Variants in FCER1A observed in about 807,000 individuals in gnomAD.
The protein encoded by FCER1A is Fc epsilon receptor Ia, also known as high affinity immunoglobulin epsilon receptor subunit alpha.
FCER1A carries 24 observed loss-of-function variants against 23.6 expected under a neutral mutation model. That is an observed-to-expected ratio of 1.02 (90% confidence interval 0.74 to 1.43). FCER1A has a LOEUF of 1.43. Ranked by LOEUF, FCER1A falls within the 40% of genes most tolerant of loss-of-function variation. The pLI, the probability that FCER1A is intolerant of heterozygous loss-of-function variation, is 0.00. For missense variants in FCER1A, 318 were observed against 294.5 expected, an observed-to-expected ratio of 1.08 and a Z score of -0.58; for synonymous variants, 121 against 108.8, an observed-to-expected ratio of 1.11 and a Z score of -0.70.
chr1:159,302,325 A>C (rs747256756), upstream of FCER1A: 11 of 1,449,242 alleles, frequency 7.6e-6, no homozygotes, highest in South Asian at 1.1e-4. Flanking sequence ...GAAGCCTTAG[A>C]TCTCTCCAGC....
chr1:159,292,265 G>T (rs1441511367), intron 1 of FCER1A, among the ~76,000 whole-genome samples: 1 of 151,834 alleles, frequency 6.6e-6, no homozygotes, highest in Non-Finnish European at 1.5e-5. Context: ...TGCCTATTTA[G>T]CACAGACTCT....
At chr1:159,306,450 C>G (rs915668847) in intron 4 of FCER1A, among the ~76,000 whole-genome samples, 4 of 152,126 alleles carry the variant, frequency 2.6e-5, no homozygotes, top group African/African-American at 9.7e-5. Context: ...ATAGTAATAC[C>G]TGCTTGCACT....
upstream of FCER1A, among the ~76,000 whole-genome samples, chr1:159,285,248 A>G (rs1408502895): frequency 6.6e-6 from 1 of 152,210 alleles, no homozygotes; most frequent in Non-Finnish European, 1.5e-5. Context: ...AACATTACCA[A>G]ATATTGCCTG....
At position 159,302,932 on chromosome 1, in the gene FCER1A, C is replaced by T. The variant is rs1652480826; in HGVS notation, c.76+58C>T. ...CAACATGTCTGGGCATTGCTTTCCT[C>T]TCACTATTTTCTTCGTCCCATCACT... On this transcript the variant is annotated intron_variant, in intron 2 of 4. Coordinates refer to ENST00000693622, the MANE Select transcript of FCER1A (RefSeq NM_001387280.1). 6 of 1,516,030 alleles carry T rather than the reference C, an allele frequency of 4.0e-6. No homozygotes were observed. The Admixed American group carries it at 5.0e-5, about 13-fold the overall frequency. 93.9% of individuals were successfully genotyped at this position (1,516,030 alleles called of 1,614,324 possible).
chr1:159,302,473 C>T, intron 1 of FCER1A, 54 bp downstream of exon 1: 1 of 1,258,188 alleles, frequency 7.9e-7, no homozygotes. Context: ...ATTTGGGGAG[C>T]AGCTGGGGTA....
At chr1:159,296,589 TTG>T (rs1421630517) in intron 1 of FCER1A, among the ~76,000 whole-genome samples, 5 of 152,242 alleles carry the variant, frequency 3.3e-5, no homozygotes, top group African/African-American at 1.2e-4. Context: ...AAAGATGCTT[TTG>T]TGTTTTTCAC....
At position 159,302,390 on chromosome 1, in the gene FCER1A, C is replaced by T. The variant is rs1235926002; in HGVS notation, c.26C>T (p.Thr9Ile). The T allele has an allele frequency of 6.2e-7, 1 of 1,611,350 alleles. No homozygotes were observed. Among genetic ancestry groups the T allele is most frequent in the African/African-American group, 1.3e-5 (1 of 74,992 alleles). The change falls in exon 1 of 5, where the codon ACT becomes ATT. Residue 9 changes from threonine (T) to isoleucine (I), a missense_variant. Physicochemically the swap from Thr to Ile is moderately conservative, Grantham distance 89. Coordinates refer to ENST00000693622, the MANE Select transcript of FCER1A (RefSeq NM_001387280.1). MAPAMESP[T>I]LLCVALLFFA... ...ATGGCTCCTGCCATGGAATCCCCTA[C>T]TCTACTGTGTGTAGCCTTACTGTTC...
chr1:159,299,579 C>T (rs1652376789), upstream of FCER1A, among the ~76,000 whole-genome samples: 1 of 152,126 alleles, frequency 6.6e-6, no homozygotes, highest in Non-Finnish European at 1.5e-5. Context: ...AATAACAGGT[C>T]CAAGTTTGGG....
At chr1:159,302,800 C>G (rs1652474721) in intron 1 of FCER1A, 54 bp from the exon 2 acceptor site, 4 of 1,557,380 alleles carry the variant, frequency 2.6e-6, no homozygotes, top group Admixed American at 1.7e-5. Context: ...TTCTAGTCCT[C>G]TGGAGATAAA....
At chr1:159,293,061 T>C (rs1402648021) in intron 1 of FCER1A, among the ~76,000 whole-genome samples, 1 of 152,038 alleles carries the variant, frequency 6.6e-6, no homozygotes, top group South Asian at 2.1e-4. Context: ...TTATTTTCTT[T>C]ATAAATTTCA....
At chr1:159,297,320 T>C (rs1186146543) in intron 1 of FCER1A, among the ~76,000 whole-genome samples, 2 of 152,162 alleles carry the variant, frequency 1.3e-5, no homozygotes, top group African/African-American at 4.8e-5. Flanking sequence ...CCTGGCTGCA[T>C]CCTGTGAGAA....
At chr1:159,300,931 C>G (rs1652414553), upstream of FCER1A, among the ~76,000 whole-genome samples, 1 of 152,152 alleles carries the variant, frequency 6.6e-6, no homozygotes, top group African/African-American at 2.4e-5. Flanking sequence ...TTCAAAATAA[C>G]TTGCTGTTAC....
chr1:159,294,227 G>A (rs2427823), intron 1 of FCER1A, among the ~76,000 whole-genome samples: 2 of 151,842 alleles, frequency 1.3e-5, no homozygotes, highest in South Asian at 2.1e-4. Flanking sequence ...GGGTATATAC[G>A]CAAAGGACTA....
intron 1 of FCER1A, among the ~76,000 whole-genome samples, chr1:159,291,328 T>C (rs981111474): frequency 6.6e-6 from 1 of 152,218 alleles, no homozygotes; most frequent in Non-Finnish European, 1.5e-5. Context: ...TTTTATTTAT[T>C]ACAAATTTAA....
intron 4 of FCER1A, among the ~76,000 whole-genome samples, chr1:159,306,965 T>C (rs921250711): frequency 1.3e-5 from 2 of 152,248 alleles, no homozygotes; most frequent in African/African-American, 2.4e-5. Flanking sequence ...AATTTGAGAC[T>C]GAAGTGCTAT....
chr1:159,304,302 T>C, intron 3 of FCER1A, 120 bp downstream of exon 3: 1 of 951,560 alleles, frequency 1.1e-6, no homozygotes, highest in East Asian at 2.5e-5. Context: ...GGCCTCTCAT[T>C]TTTAAGACCC....
chr1:159,286,622 G>A (rs1205001504), upstream of FCER1A, among the ~76,000 whole-genome samples: 5 of 152,198 alleles, frequency 3.3e-5, no homozygotes, highest in South Asian at 2.1e-4. Context: ...GTAAGCCATC[G>A]TGCCCGGCCT....
chr1:159,307,718 G>T (rs1377392957), intron 4 of FCER1A, 30 bp from the exon 5 acceptor site: 1 of 1,519,068 alleles, frequency 6.6e-7, no homozygotes, highest in East Asian at 2.3e-5. Flanking sequence ...GATGAATTAT[G>T]TTTCTCATTG....
At chr1:159,295,060 A>T (rs1182996438) in intron 1 of FCER1A, among the ~76,000 whole-genome samples, 1 of 152,216 alleles carries the variant, frequency 6.6e-6, no homozygotes, top group African/African-American at 2.4e-5. Flanking sequence ...ATGGTTGATT[A>T]GTATAAATTC....
Sources: allele counts gnomAD v4.1 joint callset (sites outside exome capture counted in the v4.1 genomes callset), GRCh38; gene constraint gnomAD v4.1.1; transcripts MANE v1.5; gene names NCBI Gene and HGNC (gene_info 2026-07-23, HGNC 2026-07-21).